Variants in PKD1L1 observed in about 807,000 individuals in gnomAD.
PKD1L1 encodes polycystin 1 like 1, transient receptor potential channel interacting.
A neutral mutation model predicts 323.4 loss-of-function variants in PKD1L1; 236 were observed. That is an observed-to-expected ratio of 0.73 (90% CI 0.66 to 0.81). The LOEUF (loss-of-function observed/expected upper bound fraction) is 0.81. Ranked by LOEUF, PKD1L1 falls within the 40% of genes least tolerant of loss-of-function variation. The probability of loss-of-function intolerance (pLI) is 0.00; values close to 1 mark genes in which losing one functional copy is unlikely to be tolerated. For missense variants in PKD1L1, 3,320 were observed against 3,508.0 expected, an observed-to-expected ratio of 0.95 and a Z score of 1.35; for synonymous variants, 1,344 against 1,335.0, an observed-to-expected ratio of 1.01 and a Z score of -0.15.
chr7:47,957,721 C>T, the PKD1L1 span, among the ~76,000 whole-genome samples: 2 of 151,882 alleles, frequency 1.3e-5, no homozygotes, highest in Middle Eastern at 3.4e-3. Flanking sequence ...GTGGCAAACT[C>T]GCGAGCTCAA....
intron 44 of PKD1L1, among the ~76,000 whole-genome samples, chr7:47,828,197 G>C (rs939983421): frequency 2.0e-5 from 3 of 152,110 alleles, no homozygotes; most frequent in African/African-American, 7.2e-5. Context: ...TGGGTGTAGG[G>C]GGGCACCCCA....
chr7:47,844,621 G>C (rs912420335), intron 33 of PKD1L1, among the ~76,000 whole-genome samples: 3 of 152,126 alleles, frequency 2.0e-5, no homozygotes, highest in Admixed American at 2.0e-4. Flanking sequence ...TTAATAATTA[G>C]GCTGTGACAA....
At chr7:47,827,166 T>A (rs1785252973) in intron 45 of PKD1L1, among the ~76,000 whole-genome samples, 184 bp downstream of exon 45, 1 of 152,250 alleles carries the variant, frequency 6.6e-6, no homozygotes, top group Non-Finnish European at 1.5e-5. Flanking sequence ...ATTCCTCCCA[T>A]CTGCTGGGCA....
chr7:47,814,029 A>G lies in PKD1L1; in HGVS notation c.7090-15T>C. 1.2e-6 allele frequency: 2 copies of G among 1,610,168 alleles called. No homozygotes were observed. Among genetic ancestry groups the G allele is most frequent in the Non-Finnish European group, 1.7e-6 (2 of 1,177,500 alleles). ...AGAGCTCCAGGCTGAAAGGAGAAAAAAGATGATGAGGACTGGGTGTGCTGT... is the reference window on the plus strand; with the variant it reads ...AGAGCTCCAGGCTGAAAGGAGAAAAGAGATGATGAGGACTGGGTGTGCTGT... On this transcript the variant is annotated splice_polypyrimidine_tract_variant and intron_variant, in intron 47 of 56. Transcript: ENST00000289672.
At chr7:47,959,341 G>A in the PKD1L1 span, among the ~76,000 whole-genome samples, 2 of 149,244 alleles carry the variant, frequency 1.3e-5, no homozygotes, top group South Asian at 2.1e-4. Context: ...AGTGAGGAGC[G>A]TCTCTGCCCG....
intron 44 of PKD1L1, among the ~76,000 whole-genome samples, chr7:47,827,855 C>T (rs759045964): frequency 1.2e-4 from 18 of 152,186 alleles, no homozygotes; most frequent in Non-Finnish European, 2.2e-4. Context: ...AAAGTATAGT[C>T]TTAGCAAGAA....
intron 15 of PKD1L1, among the ~76,000 whole-genome samples, chr7:47,891,922 C>G (rs919603163): frequency 3.9e-5 from 6 of 152,310 alleles, no homozygotes; most frequent in African/African-American, 7.2e-5. Context: ...GTCCAAGCAG[C>G]CTTTTGCCTC....
At chr7:47,781,971 C>T (rs1448440395) in intron 56 of PKD1L1, among the ~76,000 whole-genome samples, 1 of 152,154 alleles carries the variant, frequency 6.6e-6, no homozygotes, top group African/African-American at 2.4e-5. Context: ...ATGAGTTTGG[C>T]ATATTTGTGT....
intron 7 of PKD1L1, among the ~76,000 whole-genome samples, chr7:47,919,768 C>T (rs576392709): frequency 6.6e-6 from 1 of 152,238 alleles, no homozygotes; most frequent in East Asian, 1.9e-4. Flanking sequence ...ACAAAAATCA[C>T]ATGATCATCT....
intron 50 of PKD1L1, among the ~76,000 whole-genome samples, chr7:47,810,181 T>C (rs557570251): frequency 4.8e-4 from 73 of 152,152 alleles, no homozygotes; most frequent in Non-Finnish European, 9.3e-4. Flanking sequence ...CTGTCCTCTG[T>C]TGGAGTTATG....
At chr7:47,800,239 G>A (rs2128725719) in intron 54 of PKD1L1, among the ~76,000 whole-genome samples, 1 of 152,328 alleles carries the variant, frequency 6.6e-6, no homozygotes, top group African/African-American at 2.4e-5. Flanking sequence ...CCGCTAGCCT[G>A]GAGAACACGT....
At chr7:47,909,679 C>T (rs930485944) in intron 8 of PKD1L1, among the ~76,000 whole-genome samples, 1 of 152,172 alleles carries the variant, frequency 6.6e-6, no homozygotes, top group Non-Finnish European at 1.5e-5. Flanking sequence ...TACTGAAGCT[C>T]AAAAGGTTAA....
the PKD1L1 span, among the ~76,000 whole-genome samples, chr7:47,959,187 A>G: frequency 2.0e-5 from 3 of 151,980 alleles, no homozygotes; most frequent in African/African-American, 7.2e-5. Flanking sequence ...TCCACCTCCC[A>G]GCCGCCTGCC....
intron 56 of PKD1L1, among the ~76,000 whole-genome samples, chr7:47,783,289 A>G (rs1786735989): frequency 6.6e-6 from 1 of 152,060 alleles, no homozygotes; most frequent in Non-Finnish European, 1.5e-5. Context: ...AACATGTACT[A>G]ACATACAAAC....
intron 11 of PKD1L1, 106 bp from the exon 12 acceptor site, chr7:47,904,723 G>C: frequency 7.6e-7 from 1 of 1,313,318 alleles, no homozygotes; most frequent in Non-Finnish European, 1.0e-6. Flanking sequence ...CGGGGGAGGG[G>C]GAGGCAGCAT....
chr7:47,863,576 C>T (rs1786082371), intron 26 of PKD1L1, among the ~76,000 whole-genome samples: 1 of 151,998 alleles, frequency 6.6e-6, no homozygotes, highest in Non-Finnish European at 1.5e-5. Context: ...AGCGTGTCCC[C>T]CAAAGCAGAT....
chr7:47,939,176 T>G (rs548165179), intron 3 of PKD1L1, among the ~76,000 whole-genome samples: 1 of 152,186 alleles, frequency 6.6e-6, no homozygotes, highest in Non-Finnish European at 1.5e-5. Flanking sequence ...CTCCTTGAAC[T>G]TTCGCTGACA....
At chr7:47,830,716 C>T (rs1304336687) in intron 42 of PKD1L1, among the ~76,000 whole-genome samples, 3 of 152,190 alleles carry the variant, frequency 2.0e-5, no homozygotes, top group Non-Finnish European at 4.4e-5. Flanking sequence ...TTATGAACCA[C>T]ACTGAGTGAC....
At chr7:47,901,327 C>CAAAAAAAAAAAA (rs71699736) in intron 13 of PKD1L1, among the ~76,000 whole-genome samples, 89 of 62,476 alleles carry the variant, frequency 1.4e-3, no homozygotes, top group East Asian at 2.2e-3. Flanking sequence ...AACAGAGTCT[C>CAAAAAAAAAAAA]AAAAAAAAAA....
Sources: gnomAD v4.1 joint callset for allele counts (sites outside exome capture counted in the v4.1 genomes callset) on GRCh38, gnomAD v4.1.1 for gene constraint, MANE v1.5 for transcripts, NCBI Gene and HGNC (gene_info 2026-07-23, HGNC 2026-07-21) for gene names.